FITM1: variants seen among roughly 807,000 people sequenced by gnomAD.
The protein encoded by FITM1 is fat storage-inducing transmembrane protein 1.
FITM1 carries 11 observed loss-of-function variants against 22.2 expected under a neutral mutation model. The observed-to-expected ratio is 0.50, with a 90% CI of 0.31 to 0.82. The LOEUF (loss-of-function observed/expected upper bound fraction) is 0.82. FITM1 is among the 40% of genes least tolerant of loss of function. FITM1 has a pLI of 0.04. For missense variants in FITM1, 394 were observed against 386.4 expected, an observed-to-expected ratio of 1.02 and a Z score of -0.17; for synonymous variants, 164 against 174.0, an observed-to-expected ratio of 0.94 and a Z score of 0.45.
Position 24,132,317 on chromosome 14 carries a change from C to T in FITM1, c.373C>T (p.Leu125=), listed in dbSNP as rs143214156. The change falls in exon 2 of 2, where the codon CTG becomes TTG. Residue 125 remains leucine (L), a synonymous_variant. Coordinates refer to ENST00000267426, the MANE Select transcript of FITM1 (RefSeq NM_203402.3). ...TRRVAVTARH[L]SRLVVGAAVW... ...GCGCGTGGCAGTAACTGCCAGACAC[C>T]TGAGCCGACTGGTAGTAGGGGCAGC... 43 of 1,614,102 alleles carry T rather than the reference C, an allele frequency of 2.7e-5. No homozygotes were observed. The African/African-American group carries it at 5.3e-4, about 20-fold the overall frequency.
rs1271295015 is a variant in FITM1 at position 24,131,536 on chromosome 14, C to G, written c.-28C>G. 1 of 1,543,004 alleles carries G rather than the reference C, an allele frequency of 6.5e-7. No individual in the cohort carries two copies. The highest frequency in any genetic ancestry group is 1.4e-5 in the African/African-American group (1 of 73,616). ...GCCCCTCCTCAGCTGCCCAGCAAAG[C>G]AAGCAGTTAGTGGGGAGGGGAGGGA... On this transcript the variant is annotated 5_prime_UTR_variant, in exon 1 of 2. Transcript: ENST00000267426.
Position 24,132,346 on chromosome 14 carries a change from G to A in FITM1, c.402G>A (p.Val134=). 1.2e-6 allele frequency: 2 copies of A among 1,614,056 alleles called. No homozygotes were observed. The highest frequency in any genetic ancestry group is 2.2e-5 in the South Asian group (2 of 91,072). Residue 134 remains valine, a synonymous_variant, in exon 2 of 2, where the codon GTG becomes GTA. Coordinates refer to ENST00000267426, the MANE Select transcript of FITM1 (RefSeq NM_203402.3). ...HLSRLVVGAA[V]WRGAGRAFLL... is the part of the protein sequence containing the mutation. ...GCCGACTGGTAGTAGGGGCAGCCGT[G>A]TGGCGGGGAGCCGGCCGGGCCTTCC...
At position 24,131,497 on chromosome 14, in the gene FITM1, G is replaced by T; in HGVS notation, c.-67G>T. ...CCTGTCACTGCCTATCCTTGTCCAG[G>T]GGGGGCCCCATCAGCCCCTCCTCAG... is the stretch of plus-strand genomic sequence containing the variant. On this transcript the variant is annotated 5_prime_UTR_variant, in exon 1 of 2. Transcript: ENST00000267426. 1 of 1,461,114 alleles carries T rather than the reference G, an allele frequency of 6.8e-7. No individual in the cohort carries two copies. 90.5% of individuals were successfully genotyped at this position (1,461,114 alleles called of 1,614,324 possible). A position where few individuals can be genotyped will look rare whatever the true frequency, so the allele number is the denominator to read the frequency against.
intron 1 of FITM1, 154 bp downstream of exon 1, chr14:24,131,983 G>T: frequency 7.8e-7 from 1 of 1,275,186 alleles, no homozygotes; most frequent in Non-Finnish European, 1.1e-6. Context: ...CAGAGCCCTG[G>T]GGTACAGGGG....
At chr14:24,132,036 G>A in intron 1 of FITM1, 175 bp from the exon 2 acceptor site, 1 of 1,192,368 alleles carries the variant, frequency 8.4e-7, no homozygotes, top group Non-Finnish European at 1.2e-6. Context: ...ACCCTGGAAT[G>A]CTGAATTGTC....
Position 24,132,350 on chromosome 14 carries a change from C to A in FITM1, c.406C>A (p.Arg136=). ...ACTGGTAGTAGGGGCAGCCGTGTGG[C>A]GGGGAGCCGGCCGGGCCTTCCTGCT... is the stretch of plus-strand genomic sequence containing the variant. ...SRLVVGAAVW[R]GAGRAFLLIE... is the part of the protein sequence containing the mutation. The change falls in exon 2 of 2, where the codon CGG becomes AGG. Residue 136 remains arginine, a synonymous_variant. Transcript: ENST00000267426. The A allele has an allele frequency of 6.2e-7, 1 of 1,613,930 alleles. No individual in the cohort carries two copies. The highest frequency in any genetic ancestry group is 8.5e-7 in the Non-Finnish European group (1 of 1,179,996).
rs1414817342 is a variant in FITM1 at position 24,132,400 on chromosome 14, C to T, written c.456C>T (p.Cys152=). 6.2e-7 allele frequency: 1 copy of T among 1,610,682 alleles called. No homozygotes were observed. Among genetic ancestry groups the T allele is most frequent in the Non-Finnish European group, 8.5e-7 (1 of 1,179,926 alleles). Residue 152 remains cysteine, a synonymous_variant, in exon 2 of 2, where the codon TGC becomes TGT. Transcript: ENST00000267426. ...FLLIEDLTGS[C]FEPLPQGLLL... Reference sequence around the variant, plus strand: ...TCATCGAGGACCTGACTGGCTCCTGCTTCGAGCCACTGCCCCAGGGTCTGC... The same window carrying T: ...TCATCGAGGACCTGACTGGCTCCTGTTTCGAGCCACTGCCCCAGGGTCTGC...
At position 24,131,788 on chromosome 14, in the gene FITM1, C is replaced by G. The variant is rs2139034896; in HGVS notation, c.225C>G (p.Asn75Lys). ...GGCCGCTTCTGCAGTTCCATGTCAA[C>G]CCTCGGACTATCTTCGCCAGCCACG... is the stretch of plus-strand genomic sequence containing the variant. The part of the protein sequence containing the change: ...IFGPLLQFHV[N>K]PRTIFASHGN... Residue 75 changes from asparagine (N) to lysine (K), a missense_variant, in exon 1 of 2, where the codon AAC becomes AAG. Physicochemically the swap from Asn to Lys is moderately conservative, Grantham distance 94. Coordinates refer to ENST00000267426, the MANE Select transcript of FITM1 (RefSeq NM_203402.3). 2 of 1,609,112 alleles carry G rather than the reference C, an allele frequency of 1.2e-6. No individual in the cohort carries two copies. The highest frequency in any genetic ancestry group is 2.2e-5 in the South Asian group (2 of 90,608).
At position 24,131,460 on chromosome 14, in the gene FITM1, G is replaced by A. The variant is rs768070474; in HGVS notation, c.-104G>A. 22 of 1,156,410 alleles carry A rather than the reference G, an allele frequency of 1.9e-5. No homozygotes were observed. In the Admixed American group the frequency reaches 3.2e-4, roughly 17 times the overall value. 71.6% of individuals were successfully genotyped at this position (1,156,410 alleles called of 1,614,324 possible). A position where few individuals can be genotyped will look rare whatever the true frequency, so the allele number is the denominator to read the frequency against. On this transcript the variant is annotated 5_prime_UTR_variant, in exon 1 of 2. In the 5' UTR this introduces an upstream ATG that the reference lacks. Coordinates refer to ENST00000267426, the MANE Select transcript of FITM1 (RefSeq NM_203402.3). Reference sequence around the variant, plus strand: ...CCAGCTGCCAACAGGGCTCTGCCTTGTGTCTGCCACACCTGTCACTGCCTA... The same window carrying A: ...CCAGCTGCCAACAGGGCTCTGCCTTATGTCTGCCACACCTGTCACTGCCTA...
Position 24,131,836 on chromosome 14 carries a change from C to A in FITM1, c.266+7C>A. On this transcript the variant is annotated splice_region_variant and intron_variant, in intron 1 of 1. Transcript: ENST00000267426. ...ACGGCAACTTCTTCAACATGTGAGT[C>A]CACTCAAGGCTGTGGGAGCCGGGTC... is the stretch of plus-strand genomic sequence containing the variant. 2 of 1,566,810 alleles carry A rather than the reference C, an allele frequency of 1.3e-6. No individual in the cohort carries two copies. Among genetic ancestry groups the A allele is most frequent in the Non-Finnish European group, 1.7e-6 (2 of 1,154,150 alleles).
Position 24,132,429 on chromosome 14 carries a change from T to A in FITM1, c.485T>A (p.Leu162His). Residue 162 changes from leucine to histidine, a missense_variant, in exon 2 of 2, where the codon CTC (leucine) becomes CAC (histidine). Coordinates refer to ENST00000267426, the MANE Select transcript of FITM1 (RefSeq NM_203402.3). ...CFEPLPQGLL[L>H]HELPDRRSCL... ...GAGCCACTGCCCCAGGGTCTGCTGCTCCACGAGCTGCCTGACCGCCGCAGC... is the reference window on the plus strand; with the variant it reads ...GAGCCACTGCCCCAGGGTCTGCTGCACCACGAGCTGCCTGACCGCCGCAGC... The A allele has an allele frequency of 6.2e-7, 1 of 1,608,130 alleles. No individual in the cohort carries two copies. The highest frequency in any genetic ancestry group is 8.5e-7 in the Non-Finnish European group (1 of 1,179,582).
rs943945212 is a variant in FITM1, at chr14:24,131,250, G to C, written c.-314G>C. The C allele has an allele frequency of 4.9e-6, 3 of 609,240 alleles. No homozygotes were observed. The African/African-American group carries it at 5.5e-5, about 11-fold the overall frequency. 37.7% of individuals were successfully genotyped at this position (609,240 alleles called of 1,614,324 possible). A position where few individuals can be genotyped will look rare whatever the true frequency, so the allele number is the denominator to read the frequency against. On this transcript the variant is annotated 5_prime_UTR_variant, in exon 1 of 2. Coordinates refer to ENST00000267426, the MANE Select transcript of FITM1 (RefSeq NM_203402.3). ...CTTTGGCAGACTATGGACAAGGACA[G>C]CCCTGAACAGCTGGCCCTGTCACAG... is the stretch of plus-strand genomic sequence containing the variant.
Position 24,131,137 on chromosome 14 carries a change from A to C in FITM1, c.-427A>C. 1 of 529,788 alleles carries C rather than the reference A, an allele frequency of 1.9e-6. No individual in the cohort carries two copies. The highest frequency in any genetic ancestry group is 2.9e-5 in the South Asian group (1 of 33,932). 32.8% of individuals were successfully genotyped at this position (529,788 alleles called of 1,614,324 possible). A position where few individuals can be genotyped will look rare whatever the true frequency, so the allele number is the denominator to read the frequency against. Reference sequence around the variant, plus strand: ...TAAGACTGGCAGCTTTTTTTAAAAAACGACTTTCAAGGTTTGGTTATTTTT... The same window carrying C: ...TAAGACTGGCAGCTTTTTTTAAAAACCGACTTTCAAGGTTTGGTTATTTTT... On this transcript the variant is annotated 5_prime_UTR_variant, in exon 1 of 2. Transcript: ENST00000267426.
Position 24,132,729 on chromosome 14 carries a change from T to C in FITM1, c.785T>C (p.Leu262Pro), listed in dbSNP as rs2037833194. ...GCAGTGGGCACCTTTGCCTGGTACC[T>C]CACCTATGGCAGCTGGTATCATCAG... ...GAAVGTFAWYLTYGSWYHQPW... is the reference protein window; with the variant it reads ...GAAVGTFAWYPTYGSWYHQPW... The change falls in exon 2 of 2, where the codon CTC (leucine) becomes CCC (proline). Residue 262 changes from leucine (L) to proline (P), a missense_variant. Leu to Pro is a moderately conservative substitution (Grantham distance 98, BLOSUM62 -3). Coordinates refer to ENST00000267426, the MANE Select transcript of FITM1 (RefSeq NM_203402.3). 1 of 1,613,756 alleles carries C rather than the reference T, an allele frequency of 6.2e-7. No individual in the cohort carries two copies. Among genetic ancestry groups the C allele is most frequent in the African/African-American group, 1.3e-5 (1 of 74,900 alleles).
At chr14:24,132,137 T>C (rs1429163772) in intron 1 of FITM1, 74 bp from the exon 2 acceptor site, 2 of 1,566,076 alleles carry the variant, frequency 1.3e-6, no homozygotes, top group Non-Finnish European at 1.7e-6. Flanking sequence ...TTGGGGAGAG[T>C]GCAGTGATGG....
rs201136584 is a variant in FITM1 at position 24,132,358 on chromosome 14, C to G, written c.414C>G (p.Ala138=). 550 of 1,613,892 alleles carry G rather than the reference C, an allele frequency of 3.4e-4. No homozygotes were observed. Among genetic ancestry groups the G allele is most frequent in the Admixed American group, 7.3e-4 (44 of 60,026 alleles). ...LVVGAAVWRG[A]GRAFLLIEDL... ...TAGGGGCAGCCGTGTGGCGGGGAGCCGGCCGGGCCTTCCTGCTCATCGAGG... is the reference window on the plus strand; with the variant it reads ...TAGGGGCAGCCGTGTGGCGGGGAGCGGGCCGGGCCTTCCTGCTCATCGAGG... The change falls in exon 2 of 2, where the codon GCC becomes GCG. Residue 138 remains alanine (A), a synonymous_variant. Transcript: ENST00000267426.
Position 24,132,496 on chromosome 14 carries a change from C to T in FITM1, c.552C>T (p.Ser184=), listed in dbSNP as rs763363562. Residue 184 remains serine, a synonymous_variant, in exon 2 of 2, where the codon TCC becomes TCT. Transcript: ENST00000267426. The part of the protein sequence containing the change: ...AGHQWRGYTV[S]SHTFLLTFCC... Reference sequence around the variant, plus strand: ...ACCAGTGGCGAGGCTACACCGTCTCCTCCCACACCTTCCTGCTCACCTTTT... The same window carrying T: ...ACCAGTGGCGAGGCTACACCGTCTCTTCCCACACCTTCCTGCTCACCTTTT... 2 of 1,603,826 alleles carry T rather than the reference C, an allele frequency of 1.2e-6. No individual in the cohort carries two copies. Among genetic ancestry groups the T allele is most frequent in the Admixed American group, 1.7e-5 (1 of 60,004 alleles).
intron 1 of FITM1, 61 bp from the exon 2 acceptor site, chr14:24,132,150 G>T: frequency 1.3e-6 from 2 of 1,587,284 alleles, no homozygotes; most frequent in South Asian, 1.1e-5. Context: ...AGTGATGGGA[G>T]CACAGACCAG....
In FITM1 at chr14:24,131,570, C is replaced by CGGG. The variant is rs768514415; in HGVS notation, c.10_12dup (p.Gly4dup). The CGGG allele has an allele frequency of 3.9e-6, 5 of 1,284,878 alleles. No homozygotes were observed. In the East Asian group the frequency reaches 1.3e-4, roughly 34 times the overall value. The allele number at this position is 1,284,878 out of a possible 1,614,324, so 79.6% of individuals were successfully genotyped here. Reference sequence around the variant, plus strand: ...AGTGGGGAGGGGAGGGAACATGGAGCGGGGGCCGGTGGTGGGGGCAGGACT... The same window carrying CGGG: ...AGTGGGGAGGGGAGGGAACATGGAGCGGGGGGGGCCGGTGGTGGGGGCAGGACT... On this transcript the variant is annotated inframe_insertion, in exon 1 of 2. Transcript: ENST00000267426.
Sources: gnomAD v4.1 joint callset for allele counts on GRCh38, gnomAD v4.1.1 for gene constraint, MANE v1.5 for transcripts, NCBI Gene and HGNC (gene_info 2026-07-23, HGNC 2026-07-21) for gene names.